Variants in CCNL1 observed in about 807,000 individuals in gnomAD.
The protein encoded by CCNL1 is cyclin L1, also known as cyclin-L1.
CCNL1 carries 13 observed loss-of-function variants against 60.6 expected under a neutral mutation model. The ratio of observed to expected loss-of-function variants is 0.21; its 90% CI spans 0.14 to 0.34. The LOEUF is 0.34. Ranked by LOEUF, CCNL1 falls within the 10% of genes least tolerant of loss-of-function variation. The pLI, the probability that CCNL1 is intolerant of heterozygous loss-of-function variation, is 1.00. For synonymous variants in CCNL1, 270 were observed against 244.3 expected (o/e 1.10, Z -0.98); for missense variants, 481 against 664.3 (o/e 0.72, Z 3.03).
At chr3:157,145,463 A>AAAAAAAAAAAAAC (rs1737754993), downstream of CCNL1, among the ~76,000 whole-genome samples, 1 of 148,234 alleles carries the variant, frequency 6.7e-6, no homozygotes, top group Non-Finnish European at 1.5e-5. Flanking sequence ...AAAAAAAAAA[A>AAAAAAAAAAAAAC]ACCAAAACGG....
rs375105594 is a variant in CCNL1 at position 157,160,062 on chromosome 3, A to G, written c.33T>C (p.Ala11=). ...GGGCGGCCGATGAGGCGGCTGCGGC[A>G]GCAGTAGCTGTCGAATGAGGCCCGG... MASGPHSTAT[A]AAAASSAAPS... The change falls in exon 1 of 11, where the codon GCT becomes GCC. Residue 11 remains alanine, a synonymous_variant. Coordinates refer to ENST00000295926, the MANE Select transcript of CCNL1 (RefSeq NM_020307.4). The G allele has an allele frequency of 6.4e-7, 1 of 1,558,398 alleles. No homozygotes were observed. The highest frequency in any genetic ancestry group is 8.7e-7 in the Non-Finnish European group (1 of 1,151,694).
At chr3:157,151,677 A>G (rs778582876) in intron 5 of CCNL1, 196 of 991,126 alleles carry the variant, frequency 2.0e-4, no homozygotes, top group Non-Finnish European at 2.3e-4. Context: ...TGAACTATTC[A>G]TTTTGATAGT....
rs111509537 is a variant in CCNL1, at chr3:157,152,078, A to G, written c.674+99T>C. On this transcript the variant is annotated intron_variant, in intron 5 of 10. Coordinates refer to ENST00000295926, the MANE Select transcript of CCNL1 (RefSeq NM_020307.4). The stretch of plus-strand genomic sequence containing the variant: ...AACAAAAAAACAACGAAAAGCCCCA[A>G]ACAAACTTATCTCATTATTTTGGAA... 4 of 1,542,346 alleles carry G rather than the reference A, an allele frequency of 2.6e-6. No homozygotes were observed. In the South Asian group the frequency reaches 3.8e-5, roughly 15 times the overall value.
In CCNL1 at chr3:157,160,089, C is replaced by G; in HGVS notation, c.6G>C (p.Ala2=). M[A]SGPHSTATAA... ...CAGTAGCTGTCGAATGAGGCCCGGA[C>G]GCCATAGTCTTAGCGAGCCGCACGC... Residue 2 remains alanine (A), a synonymous_variant, in exon 1 of 11, where the codon GCG becomes GCC. Transcript: ENST00000295926. The G allele has an allele frequency of 6.5e-7, 1 of 1,548,256 alleles. No individual in the cohort carries two copies. The highest frequency in any genetic ancestry group is 8.7e-7 in the Non-Finnish European group (1 of 1,146,578).
intron 2 of CCNL1, 133 bp downstream of exon 2, chr3:157,159,272 T>C: frequency 1.3e-6 from 1 of 778,536 alleles, no homozygotes; most frequent in Non-Finnish European, 2.1e-6. Context: ...TTCCACTTCC[T>C]GGCGAGTGAG....
Position 157,160,104 on chromosome 3 carries a change from G to T in CCNL1, c.-10C>A, listed in dbSNP as rs549655258. On this transcript the variant is annotated 5_prime_UTR_variant, in exon 1 of 11. Coordinates refer to ENST00000295926, the MANE Select transcript of CCNL1 (RefSeq NM_020307.4). ...GAGGCCCGGACGCCATAGTCTTAGC[G>T]AGCCGCACGCAAGCCCAACGCAGCC... The T allele has an allele frequency of 1.3e-6, 2 of 1,536,886 alleles. No homozygotes were observed. Among genetic ancestry groups the T allele is most frequent in the South Asian group, 1.2e-5 (1 of 84,082 alleles).
At chr3:157,146,481 A>C (rs183857620), downstream of CCNL1, 54 of 446,026 alleles carry the variant, frequency 1.2e-4, no homozygotes, top group East Asian at 5.0e-4. Context: ...CCTATTTCCA[A>C]GCAAAGATTA....
chr3:157,147,536 T>C (rs2108105805), downstream of CCNL1: 4 of 973,892 alleles, frequency 4.1e-6, no homozygotes, highest in South Asian at 4.8e-5. Flanking sequence ...TATGACACCA[T>C]TCAAAAGCAA....
At chr3:157,147,533 C>T (rs1205616039), downstream of CCNL1, 16 of 962,192 alleles carry the variant, frequency 1.7e-5, no homozygotes, top group Non-Finnish European at 2.0e-5. Context: ...CCTTATGACA[C>T]CATTCAAAAG....
At chr3:157,159,710 G>T in intron 1 of CCNL1, 82 bp downstream of exon 1, 1 of 1,292,652 alleles carries the variant, frequency 7.7e-7, no homozygotes, top group Non-Finnish European at 1.0e-6. Context: ...CACCCTCCCG[G>T]GGCACGGTGA....
Position 157,155,404 on chromosome 3 carries a change from C to T in CCNL1, c.489-2248G>A, listed in dbSNP as rs562963930. Among the ~76,000 whole-genome samples, 3 of 152,192 alleles carry T rather than the reference C, an allele frequency of 2.0e-5. 1 individual carries two copies. The highest frequency in any genetic ancestry group is 7.2e-5 in the African/African-American group (3 of 41,526). The stretch of plus-strand genomic sequence containing the variant: ...TAGTCCCAAATCAGACTTAATGATG[C>T]CATTTTCTTTGTTTTTGTGTCAAAA... On this transcript the variant is annotated intron_variant, in intron 3 of 10. Coordinates refer to ENST00000295926, the MANE Select transcript of CCNL1 (RefSeq NM_020307.4).
Position 157,159,296 on chromosome 3 carries a change from G to A in CCNL1, c.378+109C>T, listed in dbSNP as rs189375392. On this transcript the variant is annotated intron_variant, in intron 2 of 10. Coordinates refer to ENST00000295926, the MANE Select transcript of CCNL1 (RefSeq NM_020307.4). ...CTGGCGAGTGAGAAGTAGGTACAAA[G>A]GCCTAAACTAAACCACTCCCTTTCT... 1.2e-5 allele frequency: 12 copies of A among 974,088 alleles called. No homozygotes were observed. The East Asian group carries it at 2.0e-4, about 16-fold the overall frequency. 60.3% of individuals were successfully genotyped at this position (974,088 alleles called of 1,614,324 possible). A position where few individuals can be genotyped will look rare whatever the true frequency, so the allele number is the denominator to read the frequency against.
At chr3:157,157,307 C>G (rs1320967130) in intron 3 of CCNL1, among the ~76,000 whole-genome samples, 2 of 152,172 alleles carry the variant, frequency 1.3e-5, no homozygotes, top group Non-Finnish European at 2.9e-5. Flanking sequence ...AAAGTTACAT[C>G]AGACACAACA....
chr3:157,147,885 T>C lies in CCNL1; in HGVS notation c.*356A>G, dbSNP rs888844750. On this transcript the variant is annotated 3_prime_UTR_variant, in exon 11 of 11. Transcript: ENST00000295926. Reference sequence around the variant, plus strand: ...GTGTTAAGAAAGTATTCACCATCATTTAAACAAATAACCACTTAAATAGAA... The same window carrying C: ...GTGTTAAGAAAGTATTCACCATCATCTAAACAAATAACCACTTAAATAGAA... The C allele has an allele frequency of 1.4e-5, 14 of 1,005,540 alleles. No individual in the cohort carries two copies. The highest frequency in any genetic ancestry group is 1.7e-5 in the Non-Finnish European group (14 of 843,444). 62.3% of individuals were successfully genotyped at this position (1,005,540 alleles called of 1,614,324 possible).
chr3:157,150,237 TTG>T lies in CCNL1; in HGVS notation c.774+43_774+44del, dbSNP rs142644409. 8.1e-4 allele frequency: 1,305 copies of T among 1,610,240 alleles called. 12 individuals are homozygous for T. The African/African-American group carries it at 0.016, about 19-fold the overall frequency. ...AATCTGTATTGGAACCACCGAAAAT[TTG>T]TGTGATTTATCCTACAGAACAAAAT... is the stretch of plus-strand genomic sequence containing the variant. On this transcript the variant is annotated intron_variant, in intron 6 of 10. Coordinates refer to ENST00000295926, the MANE Select transcript of CCNL1 (RefSeq NM_020307.4).
At chr3:157,157,175 CTT>C in intron 3 of CCNL1, 1 of 1,098,322 alleles carries the variant, frequency 9.1e-7, no homozygotes, top group Non-Finnish European at 1.2e-6. Flanking sequence ...CATAGAAACA[CTT>C]TTACATCCTG....
intron 3 of CCNL1, chr3:157,156,833 G>T: frequency 1.0e-6 from 1 of 978,572 alleles, no homozygotes; most frequent in Non-Finnish European, 1.4e-6. Context: ...ATTAACCTAT[G>T]CAAAAATAAA....
In CCNL1 at chr3:157,149,545, A is replaced by C; in HGVS notation, c.1073T>G (p.Val358Gly). The change falls in exon 9 of 11, where the codon GTG becomes GGG. Residue 358 changes from valine to glycine, a missense_variant. Val to Gly is a moderately radical substitution (Grantham distance 109). This residue lies in a region of CCNL1 where 197 missense variants were observed against 233.9 expected (regional missense o/e 0.84). Coordinates refer to ENST00000295926, the MANE Select transcript of CCNL1 (RefSeq NM_020307.4). ...CTCAGGTTCTTTTTTGACTGTCTTC[A>C]CATTAATGGAGATTGGTGATTTCTC... ...AEEKSPISINVKTVKKEPEDR... is the reference protein window; with the variant it reads ...AEEKSPISINGKTVKKEPEDR... 6.2e-7 allele frequency: 1 copy of C among 1,614,018 alleles called. No homozygotes were observed. The highest frequency in any genetic ancestry group is 2.2e-5 in the East Asian group (1 of 44,868).
downstream of CCNL1, among the ~76,000 whole-genome samples, chr3:157,146,267 G>A (rs73012145): frequency 0.02 from 3,109 of 152,210 alleles, 114 homozygotes; most frequent in African/African-American, 0.071. Context: ...AATAGCCATA[G>A]AGTGGCATGA....
Sources: allele counts gnomAD v4.1 joint callset (sites outside exome capture counted in the v4.1 genomes callset), GRCh38; gene constraint gnomAD v4.1.1; regional missense constraint gnomAD v4.1.1; transcripts MANE v1.5; gene names NCBI Gene and HGNC (gene_info 2026-07-23, HGNC 2026-07-21).